The following SESN2 variants were observed in gnomAD, a reference collection of about 807,000 sequenced individuals.
SESN2 encodes the protein sestrin-2.
Under a neutral mutation model 56.0 loss-of-function variants are expected in SESN2, and 42 were observed. The ratio of observed to expected loss-of-function variants is 0.75; its 90% CI spans 0.59 to 0.97. SESN2 has a LOEUF of 0.97. Among genes scored for constraint, SESN2 ranks in the 50% least tolerant of loss-of-function variants. The pLI is 0.00. For synonymous variants in SESN2, 264 were observed against 267.1 expected (o/e 0.99, Z 0.11); for missense variants, 507 against 649.4 (o/e 0.78, Z 2.38).
At chr1:28,266,608 G>C (rs1053251609) in intron 1 of SESN2, among the ~76,000 whole-genome samples, 2 of 143,100 alleles carry the variant, frequency 1.4e-5, no homozygotes, top group Non-Finnish European at 3.0e-5. Context: ...TGCTCAGGCT[G>C]GAATGCCGTG....
chr1:28,273,769 A>G (rs1043073364), intron 6 of SESN2, among the ~76,000 whole-genome samples: 11 of 152,068 alleles, frequency 7.2e-5, no homozygotes, highest in African/African-American at 2.7e-4. Context: ...AGAAGCAAAG[A>G]TCTTAGCGCA....
intron 1 of SESN2, among the ~76,000 whole-genome samples, chr1:28,260,159 C>CCTCCCTCTCCCCCT (rs1647321442): frequency 6.7e-6 from 1 of 149,762 alleles, no homozygotes; most frequent in South Asian, 2.1e-4. Context: ...CCCCCTCCTC[C>CCTCCCTCTCCCCCT]CTCCCTCTCC....
At chr1:28,268,731 GAAGA>G (rs1009313484) in intron 1 of SESN2, among the ~76,000 whole-genome samples, 1 of 151,772 alleles carries the variant, frequency 6.6e-6, no homozygotes, top group Non-Finnish European at 1.5e-5. Context: ...GGAGGAGGAG[GAAGA>G]AAGGAAGGAA....
intron 1 of SESN2, among the ~76,000 whole-genome samples, chr1:28,266,364 T>C (rs990415289): frequency 2.0e-5 from 3 of 152,140 alleles, no homozygotes; most frequent in Non-Finnish European, 4.4e-5. Context: ...GACTTTTTAT[T>C]AAGTGCTTAT....
chr1:28,259,775 T>G lies in SESN2; in HGVS notation c.-73T>G. 8.4e-7 allele frequency: 1 copy of G among 1,194,734 alleles called. No individual in the cohort carries two copies. The highest frequency in any genetic ancestry group is 1.1e-6 in the Non-Finnish European group (1 of 911,520). 74.0% of individuals were successfully genotyped at this position (1,194,734 alleles called of 1,614,324 possible). A position where few individuals can be genotyped will look rare whatever the true frequency, so the allele number is the denominator to read the frequency against. ...CCGGCGGCGCCCAGTCCCGGCTTCA[T>G]TCGGGCGTCCCTCCGAAACCCACTC... On this transcript the variant is annotated 5_prime_UTR_variant, in exon 1 of 10. Coordinates refer to ENST00000253063, the MANE Select transcript of SESN2 (RefSeq NM_031459.5).
rs893205845 is a variant in SESN2 at position 28,270,050 on chromosome 1, C to A, written c.156+802C>A. 2.6e-5 allele frequency among the ~76,000 whole-genome samples: 4 copies of A among 152,198 alleles called. 1 individual carries two copies. Among genetic ancestry groups the A allele is most frequent in the African/African-American group, 9.6e-5 (4 of 41,456 alleles). ...CTCATTTTATTTGGCCATCAGTGAA[C>A]AAGGACAAATTTTTTGTTTTGCCGG... is the stretch of plus-strand genomic sequence containing the variant. On this transcript the variant is annotated intron_variant, in intron 2 of 9. Coordinates refer to ENST00000253063, the MANE Select transcript of SESN2 (RefSeq NM_031459.5).
intron 1 of SESN2, among the ~76,000 whole-genome samples, chr1:28,260,203 G>C (rs1394651372): frequency 6.7e-6 from 1 of 149,984 alleles, no homozygotes; most frequent in Non-Finnish European, 1.5e-5. Flanking sequence ...CAGGGCCGCG[G>C]ATCCTTCCTC....
At chr1:28,278,429 C>T (rs1161008214) in intron 8 of SESN2, among the ~76,000 whole-genome samples, 1 of 152,062 alleles carries the variant, frequency 6.6e-6, no homozygotes, top group East Asian at 1.9e-4. Flanking sequence ...TAGCCGGGCA[C>T]AGTGGCATGT....
At chr1:28,260,007 G>A in intron 1 of SESN2, 70 bp downstream of exon 1, 1 of 1,225,616 alleles carries the variant, frequency 8.2e-7, no homozygotes, top group Non-Finnish European at 1.1e-6. Flanking sequence ...AGGCTGTCCG[G>A]AGCTGAGTCG....
At chr1:28,273,968 G>T in intron 6 of SESN2, 72 bp from the exon 7 acceptor site, 1 of 995,540 alleles carries the variant, frequency 1.0e-6, no homozygotes, top group East Asian at 2.4e-5. Flanking sequence ...TCCCCCTTTT[G>T]GTGATTAATC....
At chr1:28,261,475 C>G (rs1195400054) in intron 1 of SESN2, among the ~76,000 whole-genome samples, 2 of 152,166 alleles carry the variant, frequency 1.3e-5, no homozygotes, top group Non-Finnish European at 2.9e-5. Flanking sequence ...TACAGTATCT[C>G]TAAGGGATTG....
chr1:28,259,924 C>T lies in SESN2; in HGVS notation c.77C>T (p.Ser26Leu), dbSNP rs561648554. Residue 26 changes from serine to leucine, a missense_variant, in exon 1 of 10, where the codon TCG becomes TTG. Ser to Leu is a moderately radical substitution (Grantham distance 145, BLOSUM62 -2). Coordinates refer to ENST00000253063, the MANE Select transcript of SESN2 (RefSeq NM_031459.5). ...TTCGCCCCGGGCGGCGTCGGCGACT[C>T]GGGCCCCGGAGAGGTAAGCGGCGGC... ...LRFAPGGVGD[S>L]GPGEEQRESR... The T allele has an allele frequency of 4.0e-6, 6 of 1,483,534 alleles. No individual in the cohort carries two copies. The highest frequency in any genetic ancestry group is 2.1e-4 in the Middle Eastern group (1 of 4,858). 91.9% of individuals were successfully genotyped at this position (1,483,534 alleles called of 1,614,324 possible). A position where few individuals can be genotyped will look rare whatever the true frequency, so the allele number is the denominator to read the frequency against.
chr1:28,262,130 G>A (rs1647394181), intron 1 of SESN2, among the ~76,000 whole-genome samples: 1 of 152,108 alleles, frequency 6.6e-6, no homozygotes, highest in African/African-American at 2.4e-5. Context: ...AGGACCTTCG[G>A]ACGGTTTCTG....
intron 1 of SESN2, among the ~76,000 whole-genome samples, chr1:28,267,584 G>A (rs1376600791): frequency 6.6e-6 from 1 of 152,192 alleles, no homozygotes; most frequent in Non-Finnish European, 1.5e-5. Flanking sequence ...TCCCTGTCCA[G>A]TGAGAGCATG....
At chr1:28,262,035 C>T (rs960280359) in intron 1 of SESN2, among the ~76,000 whole-genome samples, 6 of 152,074 alleles carry the variant, frequency 3.9e-5, no homozygotes, top group African/African-American at 1.2e-4. Context: ...CCTGCCTTGG[C>T]CTCCCAAAGT....
Position 28,274,897 on chromosome 1 carries a change from G to C in SESN2, c.1093G>C (p.Glu365Gln), listed in dbSNP as rs764982645. ...CCCTGAGGGTGGGCAGCTGCTGGAT[G>C]AGAAGTTCCAGGCAGCCTATAGCCT... ...LYPEGGQLLD[E>Q]KFQAAYSLTY... Residue 365 changes from glutamate (E) to glutamine (Q), a missense_variant, in exon 8 of 10, where the codon GAG becomes CAG. Physicochemically the swap from Glu to Gln is conservative, Grantham distance 29. Transcript: ENST00000253063. 6.2e-7 allele frequency: 1 copy of C among 1,614,208 alleles called. No individual in the cohort carries two copies. Among genetic ancestry groups the C allele is most frequent in the Non-Finnish European group, 8.5e-7 (1 of 1,180,036 alleles).
intron 1 of SESN2, among the ~76,000 whole-genome samples, chr1:28,263,153 C>T (rs1159102422): frequency 6.6e-6 from 1 of 152,226 alleles, no homozygotes; most frequent in Non-Finnish European, 1.5e-5. Context: ...TTGCCCCTTG[C>T]TGGCTTAGCT....
rs750607021 is a variant in SESN2 at position 28,272,293 on chromosome 1, C to T, written c.364C>T (p.Arg122Cys). The change falls in exon 4 of 10, where the codon CGC becomes TGC. Residue 122 changes from arginine (R) to cysteine (C), a missense_variant. By Grantham distance (180) the Arg-to-Cys change is radical. Transcript: ENST00000253063. The part of the protein sequence containing the change: ...RHYIAIMAAA[R>C]HQCSYLVGSH... ...TCCACTACCTCCGCAGGCTGCCGCC[C>T]GCCATCAGTGTTCTTACCTGGTAGG... The T allele has an allele frequency of 2.0e-5, 32 of 1,613,718 alleles. No homozygotes were observed. Among genetic ancestry groups the T allele is most frequent in the East Asian group, 6.7e-5 (3 of 44,882 alleles).
rs1324109347 is a variant in SESN2 at position 28,269,175 on chromosome 1, C to T, written c.91-8C>T. The T allele has an allele frequency of 1.2e-6, 2 of 1,608,712 alleles. No individual in the cohort carries two copies. Among genetic ancestry groups the T allele is most frequent in the Non-Finnish European group, 1.7e-6 (2 of 1,176,226 alleles). ...TACTACGGACTAACCTCATATGTTT[C>T]CTCCCAGGAGCAGAGGGAGAGCCGG... On this transcript the variant is annotated splice_region_variant and splice_polypyrimidine_tract_variant and intron_variant, in intron 1 of 9. Transcript: ENST00000253063.
Sources: gnomAD v4.1 joint callset for allele counts (sites outside exome capture counted in the v4.1 genomes callset) on GRCh38, gnomAD v4.1.1 for gene constraint, MANE v1.5 for transcripts, NCBI Gene and HGNC (gene_info 2026-07-23, HGNC 2026-07-21) for gene names.